PCTP: variants seen among roughly 807,000 people sequenced by gnomAD.
The protein encoded by PCTP is phosphatidylcholine transfer protein.
A neutral mutation model predicts 31.0 loss-of-function variants in PCTP; 27 were observed. The observed-to-expected ratio is 0.87, with a 90% CI of 0.64 to 1.20. The LOEUF is 1.20. Ranked by LOEUF, PCTP falls within the 50% of genes most tolerant of loss-of-function variation. The pLI is 0.00. For missense variants in PCTP, 287 were observed against 268.2 expected (o/e 1.07, Z -0.49); for synonymous variants, 108 against 101.2 (o/e 1.07, Z -0.40).
At chr17:55,789,734 A>G (rs1053293896) in intron 3 of PCTP, among the ~76,000 whole-genome samples, 4 of 152,146 alleles carry the variant, frequency 2.6e-5, no homozygotes, top group Non-Finnish European at 5.9e-5. Flanking sequence ...ACAAGGAGGA[A>G]CTGGTACCAT....
intron 3 of PCTP, among the ~76,000 whole-genome samples, chr17:55,796,324 G>T (rs12937505): frequency 0.14 from 21,192 of 151,940 alleles, 1,543 homozygotes; most frequent in Middle Eastern, 0.19. Flanking sequence ...TTCTCATAGG[G>T]ATATATCTCT....
At chr17:55,781,584 C>A (rs960875106), downstream of PCTP, among the ~76,000 whole-genome samples, 2 of 152,142 alleles carry the variant, frequency 1.3e-5, no homozygotes, top group African/African-American at 4.8e-5. Flanking sequence ...AGACTGCATT[C>A]CAATTCATAC....
chr17:55,774,696 A>T lies in PCTP; in HGVS notation c.512-96A>T, dbSNP rs1399261222. The T allele has an allele frequency of 1.1e-5, 11 of 997,848 alleles. No homozygotes were observed. The Admixed American group carries it at 1.8e-4, about 16-fold the overall frequency. 61.8% of individuals were successfully genotyped at this position (997,848 alleles called of 1,614,324 possible). A position where few individuals can be genotyped will look rare whatever the true frequency, so the allele number is the denominator to read the frequency against. On this transcript the variant is annotated intron_variant, in intron 4 of 5. Transcript: ENST00000268896. ...ATGCTACCTCCCTCTGCAGTTTCTGAGCTTGAATATGAAGATATAAAGTTT... is the reference window on the plus strand; with the variant it reads ...ATGCTACCTCCCTCTGCAGTTTCTGTGCTTGAATATGAAGATATAAAGTTT...
At chr17:55,822,514 TG>T (rs918585133) in intron 3 of PCTP, among the ~76,000 whole-genome samples, 5 of 152,142 alleles carry the variant, frequency 3.3e-5, no homozygotes, top group African/African-American at 9.7e-5. Context: ...AATATTTCAG[TG>T]GGGGGATTAA....
intron 1 of PCTP, among the ~76,000 whole-genome samples, chr17:55,753,917 C>A (rs1040036045): frequency 2.0e-5 from 3 of 152,198 alleles, no homozygotes; most frequent in Admixed American, 6.5e-5. Flanking sequence ...ATAAAGCTTC[C>A]AGCATGTGGG....
Position 55,822,876 on chromosome 17 carries a change from A to G in PCTP, c.433A>G (p.Lys145Glu), listed in dbSNP as rs138418513. ...AAGGAAGAGGAAGGACATAAAGATA[A>G]AGACATGAGAAAAGAAGCTGAGTCT... The change falls in exon 4 of 4, where the codon AAG becomes GAG. Residue 145 changes from lysine to glutamate, a missense_variant. Lys to Glu is a moderately conservative substitution (Grantham distance 56). Coordinates refer to the PCTP transcript ENST00000572536. 2.3e-4 allele frequency: 270 copies of G among 1,169,494 alleles called. 2 individuals are homozygous for G. In the East Asian group the frequency reaches 8.4e-3, roughly 36 times the overall value. The allele number at this position is 1,169,494 out of a possible 1,614,324, so 72.4% of individuals were successfully genotyped here. A position where few individuals can be genotyped will look rare whatever the true frequency, so the allele number is the denominator to read the frequency against.
At chr17:55,793,415 C>T (rs867897006) in intron 3 of PCTP, among the ~76,000 whole-genome samples, 2 of 151,970 alleles carry the variant, frequency 1.3e-5, no homozygotes, top group African/African-American at 4.8e-5. Context: ...TCACTCACCC[C>T]GTTTCCCTCC....
At chr17:55,758,446 G>T (rs1009438372) in intron 1 of PCTP, among the ~76,000 whole-genome samples, 12 of 152,194 alleles carry the variant, frequency 7.9e-5, no homozygotes, top group Non-Finnish European at 1.5e-4. Context: ...CAGGAGAAGA[G>T]ATTTCACTCT....
chr17:55,765,045 A>G (rs1167122783), intron 1 of PCTP, among the ~76,000 whole-genome samples: 1 of 152,234 alleles, frequency 6.6e-6, no homozygotes, highest in Non-Finnish European at 1.5e-5. Context: ...CAAGGAAACA[A>G]GGGAACTCTC....
chr17:55,791,306 G>A (rs1025632638), intron 3 of PCTP, among the ~76,000 whole-genome samples: 15 of 150,542 alleles, frequency 1.0e-4, no homozygotes, highest in Non-Finnish European at 1.6e-4. Flanking sequence ...TTGACAAATG[G>A]GATCTAATTA....
intron 3 of PCTP, among the ~76,000 whole-genome samples, chr17:55,772,572 C>T (rs35143073): frequency 1.4e-5 from 2 of 140,080 alleles, no homozygotes; most frequent in Non-Finnish European, 3.1e-5. Context: ...GGGTGAGACT[C>T]TGTCTCAAAA....
At chr17:55,814,038 A>C (rs947447135) in intron 3 of PCTP, among the ~76,000 whole-genome samples, 4 of 151,732 alleles carry the variant, frequency 2.6e-5, no homozygotes, top group African/African-American at 9.7e-5. Flanking sequence ...TGACAGAGGA[A>C]GGAAGACCCT....
intron 3 of PCTP, among the ~76,000 whole-genome samples, chr17:55,773,224 A>C (rs895185520): frequency 6.6e-6 from 1 of 152,190 alleles, no homozygotes; most frequent in Non-Finnish European, 1.5e-5. Context: ...AAGGTCAGTA[A>C]TTAGAGCATT....
intron 3 of PCTP, among the ~76,000 whole-genome samples, chr17:55,794,559 G>C (rs1912118638): frequency 2.0e-5 from 3 of 151,636 alleles, no homozygotes; most frequent in Non-Finnish European, 4.4e-5. Context: ...TCCTAAAATA[G>C]GAATTCTTAA....
chr17:55,798,379 AAAAC>A (rs1214110297), intron 3 of PCTP, among the ~76,000 whole-genome samples: 3 of 152,024 alleles, frequency 2.0e-5, no homozygotes, highest in African/African-American at 2.4e-5. Flanking sequence ...AACACCAAGC[AAAAC>A]AAACAAACAA....
At chr17:55,845,090 A>AAAAAAAAAAAAAAAC, downstream of PCTP, among the ~76,000 whole-genome samples, 1 of 131,884 alleles carries the variant, frequency 7.6e-6, no homozygotes, top group Non-Finnish European at 1.7e-5. Context: ...TCCATCAAAA[A>AAAAAAAAAAAAAAAC]AAAAAAAAAA....
intron 3 of PCTP, among the ~76,000 whole-genome samples, chr17:55,814,053 CAAA>C (rs111612560): frequency 1.1e-4 from 13 of 121,274 alleles, no homozygotes; most frequent in Admixed American, 2.5e-4. Flanking sequence ...GACCCTGTGT[CAAA>C]AAAAAAAAAA....
At chr17:55,849,410 G>A in the PCTP span, among the ~76,000 whole-genome samples, 1 of 152,160 alleles carries the variant, frequency 6.6e-6, no homozygotes, top group Non-Finnish European at 1.5e-5. Flanking sequence ...ATCACCTGAG[G>A]TCAGGAGTTC....
chr17:55,751,871 G>A (rs1033597244), intron 1 of PCTP, among the ~76,000 whole-genome samples: 2 of 152,218 alleles, frequency 1.3e-5, no homozygotes, highest in African/African-American at 4.8e-5. Context: ...AGCCATCCAG[G>A]TGGAAGGCAT....
Sources: gnomAD v4.1 joint callset for allele counts (sites outside exome capture counted in the v4.1 genomes callset) on GRCh38, gnomAD v4.1.1 for gene constraint, MANE v1.5 for transcripts, NCBI Gene and HGNC (gene_info 2026-07-23, HGNC 2026-07-21) for gene names.